STIM2: variants seen among roughly 807,000 people sequenced by gnomAD.
The protein encoded by STIM2 is stromal interaction molecule 2.
A neutral mutation model predicts 85.8 loss-of-function variants in STIM2; 31 were observed. That is an observed-to-expected ratio of 0.36 (90% CI 0.27 to 0.49). The LOEUF is 0.49. Ranked by LOEUF, STIM2 falls within the 20% of genes least tolerant of loss-of-function variation. The probability of loss-of-function intolerance (pLI) is 0.98; values close to 1 mark genes in which losing one functional copy is unlikely to be tolerated. For missense variants in STIM2, 841 were observed against 927.6 expected, an observed-to-expected ratio of 0.91 and a Z score of 1.21; for synonymous variants, 356 against 331.1, an observed-to-expected ratio of 1.08 and a Z score of -0.82.
intron 3 of STIM2, among the ~76,000 whole-genome samples, chr4:26,968,394 A>T (rs1407968755): frequency 6.7e-6 from 1 of 150,164 alleles, no homozygotes; most frequent in Non-Finnish European, 1.5e-5. Context: ...CCTTGAGAAC[A>T]TTATGCTAAG....
chr4:26,893,978 T>G lies in STIM2; in HGVS notation c.152-25526T>G, dbSNP rs1031306900. On this transcript the variant is annotated intron_variant, in intron 1 of 11. Coordinates refer to ENST00000467087, the MANE Select transcript of STIM2 (RefSeq NM_020860.4). ...ATCTCAGCTCACTGCAACCTCTGCC[T>G]CCCGGGTTCAAGCGATTCTCCTTCC... is the stretch of plus-strand genomic sequence containing the variant. 2.0e-5 allele frequency among the ~76,000 whole-genome samples: 3 copies of G among 152,238 alleles called. No homozygotes were observed. The East Asian group carries it at 5.8e-4, about 29-fold the overall frequency.
Position 26,948,442 on chromosome 4 carries a change from G to C in STIM2, c.283-9170G>C, listed in dbSNP as rs556812187. On this transcript the variant is annotated intron_variant, in intron 2 of 11. Transcript: ENST00000467087. ...CGAACTGGCAGACCGTGACATGTTT[G>C]CAAAAAGAAGTAGTGTTCAAAATGA... 2.0e-5 allele frequency among the ~76,000 whole-genome samples: 3 copies of C among 152,270 alleles called. No individual in the cohort carries two copies. The South Asian group carries it at 6.2e-4, about 32-fold the overall frequency.
At chr4:26,940,161 G>A (rs999767842) in intron 2 of STIM2, among the ~76,000 whole-genome samples, 1 of 152,236 alleles carries the variant, frequency 6.6e-6, no homozygotes, top group East Asian at 1.9e-4. Flanking sequence ...AGCAAATCAT[G>A]CGGTCTGACT....
chr4:26,860,921 CACCT>C lies in STIM2; in HGVS notation c.-297_-294del, dbSNP rs1190537787. 3 of 962,996 alleles carry C rather than the reference CACCT, an allele frequency of 3.1e-6. No individual in the cohort carries two copies. The highest frequency in any genetic ancestry group is 3.9e-6 in the Non-Finnish European group (3 of 773,982). 59.7% of individuals were successfully genotyped at this position (962,996 alleles called of 1,614,324 possible). ...GAAGACGCCGTACCTTTCTACCCCC[CACCT>C]TTTTTTTTTTTTTTTTTAAATAACC... is the stretch of plus-strand genomic sequence containing the variant. On this transcript the variant is annotated 5_prime_UTR_variant, in exon 1 of 12. Transcript: ENST00000467087.
chr4:26,894,879 A>G (rs180720597), intron 1 of STIM2, among the ~76,000 whole-genome samples: 178 of 152,336 alleles, frequency 1.2e-3, no homozygotes, highest in Admixed American at 3.7e-3. Flanking sequence ...GAGGCAGTTG[A>G]CATACTTATA....
intron 4 of STIM2, among the ~76,000 whole-genome samples, chr4:26,995,842 A>G (rs1727944546): frequency 6.6e-6 from 1 of 152,112 alleles, no homozygotes; most frequent in East Asian, 1.9e-4. Context: ...TACTTGAATG[A>G]ATTAATGTGC....
At chr4:26,890,151 G>T (rs945356364) in intron 1 of STIM2, among the ~76,000 whole-genome samples, 1 of 152,158 alleles carries the variant, frequency 6.6e-6, no homozygotes, top group African/African-American at 2.4e-5. Flanking sequence ...CATCTGCTTT[G>T]TGATGGTTTG....
At chr4:26,885,859 A>ATATATATATATATATATATATATATG (rs1560194672) in intron 1 of STIM2, among the ~76,000 whole-genome samples, 2 of 89,440 alleles carry the variant, frequency 2.2e-5, no homozygotes, top group Non-Finnish European at 4.5e-5. Flanking sequence ...ATATATATAT[A>ATATATATATATATATATATATATATG]TATATATATA....
rs35434321 is a variant in STIM2 at position 26,976,382 on chromosome 4, CT to C, written c.397+18676del. ...GTTCCTATTCGGCCATCTTGGGAGT[CT>C]TTTTTTTTTTTTTTTTTTTAGTGGC... is the stretch of plus-strand genomic sequence containing the variant. On this transcript the variant is annotated intron_variant, in intron 3 of 11. Coordinates refer to ENST00000467087, the MANE Select transcript of STIM2 (RefSeq NM_020860.4). Among the ~76,000 whole-genome samples, 697 of 116,944 alleles carry C rather than the reference CT, an allele frequency of 6.0e-3. 8 individuals are homozygous for C. Among genetic ancestry groups the C allele is most frequent in the South Asian group, 0.031 (104 of 3,404 alleles). 76.7% of individuals were successfully genotyped at this position (116,944 alleles called of 152,430 possible). A position where few individuals can be genotyped will look rare whatever the true frequency, so the allele number is the denominator to read the frequency against.
At chr4:26,919,041 C>T (rs1404237673) in intron 1 of STIM2, among the ~76,000 whole-genome samples, 1 of 151,310 alleles carries the variant, frequency 6.6e-6, no homozygotes, top group Non-Finnish European at 1.5e-5. Flanking sequence ...TTTCCTTTCC[C>T]TTTTTTTGGT....
chr4:26,986,380 G>C (rs1000585813), intron 3 of STIM2, among the ~76,000 whole-genome samples: 5 of 152,070 alleles, frequency 3.3e-5, no homozygotes, highest in Admixed American at 2.0e-4. Flanking sequence ...AGATATTTTG[G>C]ATAGTATATA....
intron 2 of STIM2, among the ~76,000 whole-genome samples, chr4:26,932,815 C>T (rs1173149255): frequency 1.3e-5 from 2 of 152,144 alleles, no homozygotes; most frequent in African/African-American, 4.8e-5. Flanking sequence ...TTCGGTTCAG[C>T]AGTCTTTTAT....
intron 3 of STIM2, among the ~76,000 whole-genome samples, chr4:26,990,333 G>A (rs1204027668): frequency 5.9e-5 from 9 of 152,096 alleles, no homozygotes. Flanking sequence ...TTCAACAAAG[G>A]CACCCAAAAT....
intron 1 of STIM2, among the ~76,000 whole-genome samples, chr4:26,883,411 A>G (rs1462097543): frequency 6.6e-6 from 1 of 152,108 alleles, no homozygotes; most frequent in Non-Finnish European, 1.5e-5. Context: ...GTATGCACAT[A>G]TATACCTGTC....
chr4:26,884,747 A>ATG (rs1197157678), intron 1 of STIM2, among the ~76,000 whole-genome samples: 2 of 152,210 alleles, frequency 1.3e-5, no homozygotes, highest in African/African-American at 4.8e-5. Context: ...GTACTTACGT[A>ATG]TATCAGGCAA....
At chr4:26,870,210 T>G (rs1219280686) in intron 1 of STIM2, among the ~76,000 whole-genome samples, 1 of 151,830 alleles carries the variant, frequency 6.6e-6, no homozygotes, top group African/African-American at 2.4e-5. Flanking sequence ...GGAGATCTAA[T>G]GTACAACAGT....
At chr4:26,981,606 A>C (rs1233377411) in intron 3 of STIM2, among the ~76,000 whole-genome samples, 1 of 152,184 alleles carries the variant, frequency 6.6e-6, no homozygotes, top group African/African-American at 2.4e-5. Context: ...TTTTATAGCC[A>C]AAGGATGCAG....
chr4:26,877,482 T>G (rs2109033476), intron 1 of STIM2, among the ~76,000 whole-genome samples: 1 of 152,210 alleles, frequency 6.6e-6, no homozygotes, highest in Admixed American at 6.5e-5. Context: ...CTCTGTTTGG[T>G]TCTGTTGTTT....
chr4:26,980,978 A>G (rs1053615636), intron 3 of STIM2, among the ~76,000 whole-genome samples: 3 of 152,232 alleles, frequency 2.0e-5, no homozygotes, highest in Non-Finnish European at 4.4e-5. Flanking sequence ...TTTGAACTAA[A>G]TGAATATCCA....
Sources: gnomAD v4.1 joint callset for allele counts (sites outside exome capture counted in the v4.1 genomes callset) on GRCh38, gnomAD v4.1.1 for gene constraint, MANE v1.5 for transcripts, NCBI Gene and HGNC (gene_info 2026-07-23, HGNC 2026-07-21) for gene names.